PREP: variants seen among roughly 807,000 people sequenced by gnomAD.
The protein encoded by PREP is dJ355L5.1 (prolyl endopeptidase).
In PREP, 29 loss-of-function variants were observed where a neutral mutation model predicts 87.6. That is an observed-to-expected ratio of 0.33 (90% CI 0.25 to 0.45). The LOEUF (loss-of-function observed/expected upper bound fraction) is 0.45. Ranked by LOEUF, PREP falls within the 20% of genes least tolerant of loss-of-function variation. The pLI is 1.00. For synonymous variants in PREP, 337 were observed against 328.6 expected (o/e 1.03, Z -0.28); for missense variants, 695 against 886.5 (o/e 0.78, Z 2.74).
rs981299460 is a variant in PREP at position 105,278,053 on chromosome 6, G to T, written c.*91C>A. The stretch of plus-strand genomic sequence containing the variant: ...GTGAGTGCAGGAATAATGTTCCCGT[G>T]GGGAAGCATTATGCCCAGTGGTTTC... On this transcript the variant is annotated 3_prime_UTR_variant, in exon 15 of 15. Transcript: ENST00000652536. The surrounding 1 kb of genome is among the most constrained non-coding windows in gnomAD (Gnocchi z 4.2). The T allele has an allele frequency of 1.5e-5, 22 of 1,437,846 alleles. No individual in the cohort carries two copies. The highest frequency in any genetic ancestry group is 2.1e-5 in the Non-Finnish European group (22 of 1,050,718). 89.1% of individuals were successfully genotyped at this position (1,437,846 alleles called of 1,614,324 possible).
rs77173148 is a variant in PREP at position 105,400,892 on chromosome 6, C to G, written c.45+1955G>C. Among the ~76,000 whole-genome samples the G allele has an allele frequency of 5.9e-3, 891 of 152,226 alleles. 43 individuals carry two copies. The East Asian group carries it at 0.14, about 24-fold the overall frequency. ...AGCTGATGCTGGGGAGAAACAAACCCATCCTAGAAATCAAAGGCTACCATT... is the reference window on the plus strand; with the variant it reads ...AGCTGATGCTGGGGAGAAACAAACCGATCCTAGAAATCAAAGGCTACCATT... On this transcript the variant is annotated intron_variant, in intron 1 of 14. Transcript: ENST00000652536.
At chr6:105,307,093 C>T (rs1341316266) in intron 10 of PREP, among the ~76,000 whole-genome samples, 1 of 152,150 alleles carries the variant, frequency 6.6e-6, no homozygotes, top group Admixed American at 6.5e-5. Flanking sequence ...TGACCTAGTC[C>T]TTATTGTGTT....
intron 6 of PREP, among the ~76,000 whole-genome samples, chr6:105,362,367 A>C (rs959371486): frequency 6.6e-6 from 1 of 152,210 alleles, no homozygotes. Context: ...AGGCTGAGGG[A>C]CGAGAATCGC....
chr6:105,323,243 A>G, intron 10 of PREP: 1 of 760,404 alleles, frequency 1.3e-6, no homozygotes, highest in African/African-American at 1.8e-5. Flanking sequence ...TCATGCAGAA[A>G]TGCACATGAA....
intron 6 of PREP, among the ~76,000 whole-genome samples, chr6:105,361,337 A>G (rs1772242391): frequency 6.6e-6 from 1 of 152,198 alleles, no homozygotes; most frequent in Admixed American, 6.5e-5. Flanking sequence ...ATATTTTCAA[A>G]GAAAAACTCA....
chr6:105,371,360 A>T (rs550332071), intron 5 of PREP, among the ~76,000 whole-genome samples: 1 of 152,102 alleles, frequency 6.6e-6, no homozygotes, highest in Non-Finnish European at 1.5e-5. Context: ...AAAAAAATTT[A>T]GCTAGGCATG....
rs937444970 is a variant in PREP, at chr6:105,322,247, C to A, written c.1317+1418G>T. ...CTCACCATGAAAACAAAATAAGCAG[C>A]AGCCAAATAAATAGGAAACTAAAAG... On this transcript the variant is annotated intron_variant, in intron 10 of 14. Coordinates refer to ENST00000652536, the MANE Select transcript of PREP (RefSeq NM_002726.5). The A allele has an allele frequency of 8.8e-6, 8 of 910,060 alleles. No homozygotes were observed. The African/African-American group carries it at 1.5e-4, about 17-fold the overall frequency. The allele number at this position is 910,060 out of a possible 1,614,324, so 56.4% of individuals were successfully genotyped here.
intron 1 of PREP, 138 bp downstream of exon 1, chr6:105,402,709 C>A: frequency 1.3e-6 from 1 of 783,540 alleles, no homozygotes; most frequent in Non-Finnish European, 1.8e-6. Flanking sequence ...CGGCCCAATT[C>A]TCCCAAACAA....
chr6:105,342,617 T>C (rs868116176), intron 7 of PREP, among the ~76,000 whole-genome samples: 1 of 152,208 alleles, frequency 6.6e-6, no homozygotes, highest in Non-Finnish European at 1.5e-5. Context: ...ATGACACGAT[T>C]GTATATTTAG....
intron 10 of PREP, among the ~76,000 whole-genome samples, chr6:105,293,857 C>T (rs770817733): frequency 6.6e-6 from 1 of 152,178 alleles, no homozygotes; most frequent in Non-Finnish European, 1.5e-5. Flanking sequence ...ATTTTCGAAA[C>T]AGCCATTCAA....
At chr6:105,336,424 A>G (rs1771479903) in intron 7 of PREP, among the ~76,000 whole-genome samples, 1 of 152,224 alleles carries the variant, frequency 6.6e-6, no homozygotes, top group East Asian at 1.9e-4. Flanking sequence ...TGTCAGTCAC[A>G]TAAAAGGTCT....
At chr6:105,319,291 C>T (rs1256811335) in intron 10 of PREP, among the ~76,000 whole-genome samples, 1 of 152,132 alleles carries the variant, frequency 6.6e-6, no homozygotes, top group Non-Finnish European at 1.5e-5. Context: ...TAAGTTTGCT[C>T]CCCTTCTTAA....
In PREP at chr6:105,328,905, G is replaced by A. The variant is rs373861825; in HGVS notation, c.1137C>T (p.Val379=). The change falls in exon 9 of 15, where the codon GTC becomes GTT. Residue 379 remains valine, a synonymous_variant. Coordinates refer to ENST00000652536, the MANE Select transcript of PREP (RefSeq NM_002726.5). ...GALLKTFPLD[V]GSIVGYSGQK... ...GACCGCTGTACCCTACAATGCTGCC[G>A]ACATCGAGCGGGAAGGTCTTAAGGA... The A allele has an allele frequency of 3.8e-5, 62 of 1,614,002 alleles. No individual in the cohort carries two copies. The highest frequency in any genetic ancestry group is 3.5e-4 in the African/African-American group (26 of 74,898).
At chr6:105,348,819 C>T (rs1235415580) in intron 7 of PREP, among the ~76,000 whole-genome samples, 1 of 150,450 alleles carries the variant, frequency 6.6e-6, no homozygotes, top group Admixed American at 6.7e-5. Context: ...GTGGAGGTTG[C>T]GGTGAACTGA....
rs114733116 is a variant in PREP at position 105,275,243 on chromosome 6, A to G, written c.*2901T>C. 6.2e-3 allele frequency among the ~76,000 whole-genome samples: 941 copies of G among 152,344 alleles called. 5 individuals are homozygous for G. Among genetic ancestry groups the G allele is most frequent in the African/African-American group, 0.022 (896 of 41,582 alleles). On this transcript the variant is annotated 3_prime_UTR_variant, in exon 15 of 15. Transcript: ENST00000652536. ...CTGCTGGGAACTTCCAGAGGCTGGT[A>G]AAACTGACAAACCTTGAGAGACTGG...
intron 1 of PREP, among the ~76,000 whole-genome samples, chr6:105,401,731 C>A (rs989593895): frequency 2.6e-5 from 4 of 152,254 alleles, no homozygotes; most frequent in South Asian, 2.1e-4. Context: ...GTCAAAGAAA[C>A]CATGAATGAA....
chr6:105,277,042 T>TGATA lies in PREP; in HGVS notation c.*1098_*1101dup, dbSNP rs1562183048. 6.6e-6 allele frequency among the ~76,000 whole-genome samples: 1 copy of TGATA among 152,050 alleles called. No individual in the cohort carries two copies. Among genetic ancestry groups the TGATA allele is most frequent in the East Asian group, 1.9e-4 (1 of 5,188 alleles). On this transcript the variant is annotated 3_prime_UTR_variant, in exon 15 of 15. Transcript: ENST00000652536. ...TAAGTTAGATCAGCATTTCCCAAAC[T>TGATA]GATACTCAAAGGAACATTGTTTCAT...
chr6:105,281,166 C>T (rs1770073082), intron 14 of PREP: 1 of 152,298 alleles, frequency 6.6e-6, no homozygotes, highest in African/African-American at 2.4e-5. Context: ...TGGAAAAAAC[C>T]TACTTGCAGT....
intron 9 of PREP, among the ~76,000 whole-genome samples, chr6:105,325,161 C>T (rs960825623): frequency 2.6e-5 from 4 of 152,056 alleles, no homozygotes; most frequent in Non-Finnish European, 4.4e-5. Flanking sequence ...GATCAGTACC[C>T]GGTGCCCCCC....
Sources: gnomAD v4.1 joint callset for allele counts (sites outside exome capture counted in the v4.1 genomes callset) on GRCh38, gnomAD v4.1.1 for gene constraint, Gnocchi (gnomAD v3.1) non-coding constraint, MANE v1.5 for transcripts, NCBI Gene and HGNC (gene_info 2026-07-23, HGNC 2026-07-21) for gene names.